Variants in SLC15A1 observed in about 807,000 individuals in gnomAD.
SLC15A1 encodes solute carrier family 15 member 1, also known as Caco-2 oligopeptide transporter.
In SLC15A1, 83 loss-of-function variants were observed where a neutral mutation model predicts 92.9. The ratio of observed to expected loss-of-function variants is 0.89; its 90% CI spans 0.75 to 1.07. SLC15A1 has a LOEUF of 1.07. Among genes scored for constraint, SLC15A1 ranks in the 50% least tolerant of loss-of-function variants. The probability of loss-of-function intolerance (pLI) is 0.00; values close to 1 mark genes in which losing one functional copy is unlikely to be tolerated. For synonymous variants in SLC15A1, 322 were observed against 318.2 expected, an observed-to-expected ratio of 1.01 and a Z score of -0.13; for missense variants, 857 against 880.1, an observed-to-expected ratio of 0.97 and a Z score of 0.33.
At chr13:98,730,706 G>A (rs1335827997) in intron 1 of SLC15A1, among the ~76,000 whole-genome samples, 1 of 152,250 alleles carries the variant, frequency 6.6e-6, no homozygotes, top group Non-Finnish European at 1.5e-5. Flanking sequence ...CAGCGCCTCC[G>A]CGCCGCTTCC....
intron 18 of SLC15A1, among the ~76,000 whole-genome samples, chr13:98,690,386 C>A (rs994131920): frequency 1.3e-5 from 2 of 152,142 alleles, no homozygotes; most frequent in African/African-American, 4.8e-5. Context: ...CGGGCCTTAG[C>A]TAGAATTCCC....
At position 98,690,540 on chromosome 13, in the gene SLC15A1, T is replaced by A. The variant is rs151222503; in HGVS notation, c.1467-1963A>T. On this transcript the variant is annotated intron_variant, in intron 18 of 22. Transcript: ENST00000376503. ...AACTTATCAGCCATCAGACTCTGAA[T>A]GAAACCATCCCTAAGGCTAGAGGAT... Among the ~76,000 whole-genome samples, 172 of 152,312 alleles carry A rather than the reference T, an allele frequency of 1.1e-3. 1 individual carries two copies. The highest frequency in any genetic ancestry group is 3.9e-3 in the African/African-American group (161 of 41,570).
chr13:98,706,283 A>T (rs1410293044), intron 15 of SLC15A1, 30 bp from the exon 16 acceptor site: 1 of 1,608,130 alleles, frequency 6.2e-7, no homozygotes, highest in Admixed American at 1.7e-5. Context: ...ATTGGCAGTG[A>T]GGTCTTCAAT....
intron 18 of SLC15A1, among the ~76,000 whole-genome samples, chr13:98,689,770 C>T (rs959282043): frequency 3.9e-5 from 6 of 152,156 alleles, no homozygotes; most frequent in Non-Finnish European, 7.3e-5. Context: ...TTTAAGGAAT[C>T]CCCTTCAGAG....
chr13:98,696,796 G>A (rs2088025234), intron 18 of SLC15A1, among the ~76,000 whole-genome samples: 1 of 152,182 alleles, frequency 6.6e-6, no homozygotes, highest in African/African-American at 2.4e-5. Context: ...CAGTACCTCA[G>A]AGAGGGACTG....
chr13:98,717,593 G>A (rs1035176401), intron 8 of SLC15A1, among the ~76,000 whole-genome samples: 7 of 152,208 alleles, frequency 4.6e-5, no homozygotes, highest in African/African-American at 1.4e-4. Context: ...AATTAGAGAG[G>A]AGGAGGTATC....
At chr13:98,706,413 C>A (rs1387318817) in intron 15 of SLC15A1, among the ~76,000 whole-genome samples, 160 bp from the exon 16 acceptor site, 1 of 152,156 alleles carries the variant, frequency 6.6e-6, no homozygotes, top group East Asian at 1.9e-4. Flanking sequence ...GACCTCGTGG[C>A]ACCCACAGAA....
At chr13:98,704,579 C>T (rs1269905463) in intron 16 of SLC15A1, 144 bp from the exon 17 acceptor site, 1 of 778,272 alleles carries the variant, frequency 1.3e-6, no homozygotes, top group African/African-American at 1.8e-5. Flanking sequence ...GGGAGTTGGC[C>T]TTTATTTGCC....
chr13:98,712,590 G>A lies in SLC15A1; in HGVS notation c.724-6C>T, dbSNP rs774932507. 1 of 1,599,582 alleles carries A rather than the reference G, an allele frequency of 6.3e-7. No homozygotes were observed. Among genetic ancestry groups the A allele is most frequent in the Admixed American group, 1.7e-5 (1 of 57,428 alleles). ...AATCTATTTTTGATGGCAAACTGAAGGAAGGAAGAAAAATCGAATTTCAAA... is the reference window on the plus strand; with the variant it reads ...AATCTATTTTTGATGGCAAACTGAAAGAAGGAAGAAAAATCGAATTTCAAA... On this transcript the variant is annotated splice_polypyrimidine_tract_variant and splice_region_variant and intron_variant, in intron 9 of 22. Coordinates refer to ENST00000376503, the MANE Select transcript of SLC15A1 (RefSeq NM_005073.4).
At chr13:98,722,642 G>A (rs1031116346) in intron 5 of SLC15A1, among the ~76,000 whole-genome samples, 1 of 152,160 alleles carries the variant, frequency 6.6e-6, no homozygotes, top group Non-Finnish European at 1.5e-5. Context: ...GACAGATAAA[G>A]TCAAGGAAAA....
intron 1 of SLC15A1, among the ~76,000 whole-genome samples, chr13:98,729,976 G>C (rs1386268626): frequency 6.6e-6 from 1 of 152,038 alleles, no homozygotes; most frequent in Non-Finnish European, 1.5e-5. Flanking sequence ...CATCCGAGGT[G>C]GGCAGATCAC....
At chr13:98,752,453 A>G in intron 1 of SLC15A1, 142 bp downstream of exon 1, 2 of 785,868 alleles carry the variant, frequency 2.5e-6, no homozygotes, top group Non-Finnish European at 3.4e-6. Flanking sequence ...GCGCCCCGCA[A>G]CCTCCCGGCC....
At position 98,711,496 on chromosome 13, in the gene SLC15A1, A is replaced by G. The variant is rs1244988978; in HGVS notation, c.900+358T>C. Among the ~76,000 whole-genome samples the G allele has an allele frequency of 2.6e-5, 4 of 152,318 alleles. No homozygotes were observed. In the South Asian group the frequency reaches 6.2e-4, roughly 24 times the overall value. ...TTATGTATGGGCTCCATAAAAGGCA[A>G]TGTAACTTGTTACCACGCTGTATTG... On this transcript the variant is annotated intron_variant, in intron 11 of 22. Transcript: ENST00000376503.
chr13:98,697,770 T>A (rs1444737951), intron 18 of SLC15A1, among the ~76,000 whole-genome samples: 1 of 152,100 alleles, frequency 6.6e-6, no homozygotes, highest in Non-Finnish European at 1.5e-5. Context: ...TGACAAGATA[T>A]TTGGCCATAC....
At chr13:98,723,387 A>G (rs1488550520) in intron 5 of SLC15A1, among the ~76,000 whole-genome samples, 1 of 152,226 alleles carries the variant, frequency 6.6e-6, no homozygotes, top group Non-Finnish European at 1.5e-5. Flanking sequence ...AATCTCTACA[A>G]CTAGTCTACT....
intron 1 of SLC15A1, among the ~76,000 whole-genome samples, chr13:98,751,251 A>T (rs1349169239): frequency 1.3e-5 from 2 of 152,222 alleles, no homozygotes; most frequent in Admixed American, 6.5e-5. Flanking sequence ...AGAGAGGACC[A>T]GTTGCAGACT....
At chr13:98,740,692 T>G (rs1426423243) in intron 1 of SLC15A1, among the ~76,000 whole-genome samples, 1 of 152,092 alleles carries the variant, frequency 6.6e-6, no homozygotes, top group Non-Finnish European at 1.5e-5. Flanking sequence ...TCACTTCTTT[T>G]TAAGAAAATA....
intron 18 of SLC15A1, among the ~76,000 whole-genome samples, chr13:98,700,507 AG>A (rs2088058642): frequency 6.7e-6 from 1 of 148,726 alleles, no homozygotes; most frequent in African/African-American, 2.5e-5. Flanking sequence ...AAAAAAAAAA[AG>A]GGTGACATCG....
At chr13:98,709,398 T>C (rs936375984) in intron 14 of SLC15A1, among the ~76,000 whole-genome samples, 174 bp downstream of exon 14, 8 of 152,230 alleles carry the variant, frequency 5.3e-5, no homozygotes, top group Admixed American at 4.6e-4. Flanking sequence ...TCACAGCATT[T>C]TTATTTTAAA....
Sources: allele counts gnomAD v4.1 joint callset (sites outside exome capture counted in the v4.1 genomes callset), GRCh38; gene constraint gnomAD v4.1.1; transcripts MANE v1.5; gene names NCBI Gene and HGNC (gene_info 2026-07-23, HGNC 2026-07-21).